ITGA11: variants seen among roughly 807,000 people sequenced by gnomAD.
ITGA11 encodes the protein integrin subunit alpha 11.
In ITGA11, 97 loss-of-function variants were observed where a neutral mutation model predicts 141.9. That is an observed-to-expected ratio of 0.68 (90% CI 0.58 to 0.81). ITGA11 has a LOEUF of 0.81. Among genes scored for constraint, ITGA11 ranks in the 30% least tolerant of loss-of-function variants. The probability of loss-of-function intolerance (pLI) is 0.00; values close to 1 mark genes in which losing one functional copy is unlikely to be tolerated. For synonymous variants in ITGA11, 658 were observed against 624.6 expected (o/e 1.05, Z -0.80); for missense variants, 1,387 against 1,559.2 (o/e 0.89, Z 1.86).
intron 10 of ITGA11, among the ~76,000 whole-genome samples, chr15:68,343,176 C>A (rs573214385): frequency 6.6e-6 from 1 of 152,302 alleles, no homozygotes; most frequent in South Asian, 2.1e-4. Context: ...CTGTAAGCAT[C>A]TCCCCAGTGG....
At chr15:68,423,388 T>C (rs1003118546) in intron 1 of ITGA11, among the ~76,000 whole-genome samples, 4 of 151,840 alleles carry the variant, frequency 2.6e-5, no homozygotes, top group Admixed American at 6.6e-5. Context: ...CCAGGAGAAA[T>C]GAGGCAGAGG....
rs554135561 is a variant in ITGA11 at position 68,419,387 on chromosome 15, G to T, written c.52+12628C>A. Among the ~76,000 whole-genome samples the T allele has an allele frequency of 2.6e-5, 4 of 152,282 alleles. No individual in the cohort carries two copies. The East Asian group carries it at 7.7e-4, about 29-fold the overall frequency. On this transcript the variant is annotated intron_variant, in intron 1 of 29. Coordinates refer to ENST00000315757, the MANE Select transcript of ITGA11 (RefSeq NM_001004439.2). Reference sequence around the variant, plus strand: ...AAGTGGTGAGCCCCCATCACTGGAGGGATGCAAGCCTAGAGTGGCCATTTG... The same window carrying T: ...AAGTGGTGAGCCCCCATCACTGGAGTGATGCAAGCCTAGAGTGGCCATTTG...
chr15:68,306,575 A>G (rs1196079824), intron 28 of ITGA11, among the ~76,000 whole-genome samples: 1 of 152,202 alleles, frequency 6.6e-6, no homozygotes, highest in African/African-American at 2.4e-5. Context: ...TTTGGGGCCC[A>G]AGCCGTAGGA....
chr15:68,420,605 A>C (rs923923850), intron 1 of ITGA11, among the ~76,000 whole-genome samples: 1 of 151,992 alleles, frequency 6.6e-6, no homozygotes, highest in South Asian at 2.1e-4. Context: ...AAGGAGGAGG[A>C]TTGGCTTATC....
chr15:68,411,778 A>G lies in ITGA11; in HGVS notation c.53-8749T>C, dbSNP rs565547480. On this transcript the variant is annotated intron_variant, in intron 1 of 29. Transcript: ENST00000315757. Reference sequence around the variant, plus strand: ...CCCAACCTTGACTTTGGGCTAGGCCATCTGAGCAGAAATAATGTGTGCCCA... The same window carrying G: ...CCCAACCTTGACTTTGGGCTAGGCCGTCTGAGCAGAAATAATGTGTGCCCA... Among the ~76,000 whole-genome samples, 6 of 152,340 alleles carry G rather than the reference A, an allele frequency of 3.9e-5. No individual in the cohort carries two copies. In the South Asian group the frequency reaches 8.3e-4, roughly 21 times the overall value.
rs1319614228 is a variant in ITGA11, at chr15:68,333,417, A to G, written c.1426-939T>C. On this transcript the variant is annotated intron_variant, in intron 12 of 29. Coordinates refer to ENST00000315757, the MANE Select transcript of ITGA11 (RefSeq NM_001004439.2). This position sits in a 1 kb window ranked among gnomAD's most constrained non-coding sequence, Gnocchi z 4.2. ...TTTTTAATTTTTGATGTTATAAATC[A>G]TTCTGGCATTAGCATCGTGGATGGT... 6.6e-6 allele frequency among the ~76,000 whole-genome samples: 1 copy of G among 152,180 alleles called. No homozygotes were observed. Among genetic ancestry groups the G allele is most frequent in the Non-Finnish European group, 1.5e-5 (1 of 68,036 alleles).
chr15:68,396,779 A>C (rs1032829134), intron 2 of ITGA11, among the ~76,000 whole-genome samples: 5 of 148,062 alleles, frequency 3.4e-5, no homozygotes, highest in African/African-American at 1.2e-4. Context: ...ACTAGTAAAA[A>C]AGATTGAAAA....
intron 1 of ITGA11, among the ~76,000 whole-genome samples, chr15:68,411,397 C>T (rs902163923): frequency 6.6e-6 from 1 of 152,246 alleles, no homozygotes; most frequent in African/African-American, 2.4e-5. Context: ...CCCATGCCCT[C>T]TGCTCACTAC....
At chr15:68,311,523 C>A in intron 24 of ITGA11, 120 bp from the exon 25 acceptor site, 1 of 668,568 alleles carries the variant, frequency 1.5e-6, no homozygotes, top group Non-Finnish European at 2.7e-6. Context: ...GGAAAAAGGC[C>A]CACTCAAGAC....
chr15:68,330,394 ATT>A (rs58817010), intron 15 of ITGA11, among the ~76,000 whole-genome samples: 1 of 150,832 alleles, frequency 6.6e-6, no homozygotes, highest in Non-Finnish European at 1.5e-5. Flanking sequence ...AGGCTGAGTG[ATT>A]TTTTTTTCCT....
In ITGA11 at chr15:68,325,100, C is replaced by T; in HGVS notation, c.2322+31G>A. The T allele has an allele frequency of 1.3e-6, 2 of 1,533,486 alleles. No homozygotes were observed. Among genetic ancestry groups the T allele is most frequent in the Non-Finnish European group, 1.8e-6 (2 of 1,106,516 alleles). 95.0% of individuals were successfully genotyped at this position (1,533,486 alleles called of 1,614,324 possible). A position where few individuals can be genotyped will look rare whatever the true frequency, so the allele number is the denominator to read the frequency against. On this transcript the variant is annotated intron_variant, in intron 18 of 29. Transcript: ENST00000315757. This position sits in a 1 kb window ranked among gnomAD's most constrained non-coding sequence, Gnocchi z 5.5. Reference sequence around the variant, plus strand: ...GGTGGAGGTGGGGGTGGGGTTCATGCCCGAGGTGCGTGCCCTGTACCGAGA... The same window carrying T: ...GGTGGAGGTGGGGGTGGGGTTCATGTCCGAGGTGCGTGCCCTGTACCGAGA...
chr15:68,345,339 A>AGCTACCCGGGTTTTCCC (rs1385923662), intron 10 of ITGA11, among the ~76,000 whole-genome samples: 1 of 152,114 alleles, frequency 6.6e-6, no homozygotes, highest in Non-Finnish European at 1.5e-5. Flanking sequence ...TAGGGTTTCC[A>AGCTACCCGGGTTTTCCC]GCTACCCGGG....
intron 7 of ITGA11, among the ~76,000 whole-genome samples, chr15:68,353,382 C>A (rs1031271697): frequency 2.0e-5 from 3 of 152,138 alleles, no homozygotes; most frequent in African/African-American, 7.2e-5. Context: ...CGAGCTCAAG[C>A]GCAACCCAGT....
intron 10 of ITGA11, among the ~76,000 whole-genome samples, chr15:68,345,224 G>A (rs1018952310): frequency 1.3e-5 from 2 of 152,166 alleles, no homozygotes; most frequent in Admixed American, 6.5e-5. Context: ...GCTAATGGAA[G>A]CATTAGCTTA....
chr15:68,352,451 C>A (rs1160937317), intron 7 of ITGA11, among the ~76,000 whole-genome samples: 1 of 152,146 alleles, frequency 6.6e-6, no homozygotes, highest in Admixed American at 6.5e-5. Flanking sequence ...CCTCTGCCTC[C>A]CAAAGTGCTG....
At chr15:68,391,981 G>A (rs1896131951) in intron 2 of ITGA11, among the ~76,000 whole-genome samples, 1 of 152,134 alleles carries the variant, frequency 6.6e-6, no homozygotes, top group African/African-American at 2.4e-5. Flanking sequence ...TCTTATGTCT[G>A]GGCTGGTTGA....
intron 2 of ITGA11, among the ~76,000 whole-genome samples, chr15:68,370,882 T>C (rs959236206): frequency 1.3e-5 from 2 of 152,312 alleles, no homozygotes; most frequent in East Asian, 3.9e-4. Context: ...AGGCTCGGGC[T>C]GCATGGCACT....
At chr15:68,431,200 C>T (rs913267259) in intron 1 of ITGA11, among the ~76,000 whole-genome samples, 1 of 152,224 alleles carries the variant, frequency 6.6e-6, no homozygotes, top group Non-Finnish European at 1.5e-5. Flanking sequence ...GCTGGCTTCC[C>T]GCTCCCAGCC....
chr15:68,369,249 T>C lies in ITGA11; in HGVS notation c.200A>G (p.Tyr67Cys), dbSNP rs1248182346. Reference protein sequence around the residue: ...VVGAPLETNGYQKTGDVYKCP... With the variant: ...VVGAPLETNGCQKTGDVYKCP... ...CTTGTACACGTCTCCCGTCTTCTGG[T>C]AGCCATTGGTTTCCAGTGGGGCGCC... is the stretch of plus-strand genomic sequence containing the variant. Residue 67 changes from tyrosine (Y) to cysteine (C), a missense_variant, in exon 3 of 30, where the codon TAC becomes TGC. Transcript: ENST00000315757. 2 of 1,613,920 alleles carry C rather than the reference T, an allele frequency of 1.2e-6. No individual in the cohort carries two copies. The highest frequency in any genetic ancestry group is 3.3e-5 in the Admixed American group (2 of 60,014).
Sources: gnomAD v4.1 joint callset for allele counts (sites outside exome capture counted in the v4.1 genomes callset) on GRCh38, gnomAD v4.1.1 for gene constraint, Gnocchi (gnomAD v3.1) non-coding constraint, MANE v1.5 for transcripts, NCBI Gene and HGNC (gene_info 2026-07-23, HGNC 2026-07-21) for gene names.